Variants in GRB14 observed in about 807,000 individuals in gnomAD.
GRB14 encodes growth factor receptor-bound protein 14.
In GRB14, 38 loss-of-function variants were observed where a neutral mutation model predicts 69.1. The observed-to-expected ratio is 0.55, with a 90% CI of 0.42 to 0.72. GRB14 has a LOEUF of 0.72. GRB14 is among the 30% of genes least tolerant of loss of function. The pLI, the probability that GRB14 is intolerant of heterozygous loss-of-function variation, is 0.00. For synonymous variants in GRB14, 247 were observed against 241.3 expected (o/e 1.02, Z -0.22); for missense variants, 666 against 666.1 (o/e 1.00, Z 0.00).
chr2:164,579,664 G>A (rs1342428486), intron 2 of GRB14, among the ~76,000 whole-genome samples: 1 of 152,042 alleles, frequency 6.6e-6, no homozygotes, highest in Non-Finnish European at 1.5e-5. Context: ...ACTTCACACA[G>A]ACAGTGGCCT....
chr2:164,526,387 C>T lies in GRB14; in HGVS notation c.603+627G>A, dbSNP rs977318149. Among the ~76,000 whole-genome samples, 5 of 151,946 alleles carry T rather than the reference C, an allele frequency of 3.3e-5. No individual in the cohort carries two copies. In the East Asian group the frequency reaches 5.8e-4, roughly 18 times the overall value. ...CCCTAGTCTTCATTAGAATGTGACACACATTTATTTTCTTTTAAAGAGAAC... is the reference window on the plus strand; with the variant it reads ...CCCTAGTCTTCATTAGAATGTGACATACATTTATTTTCTTTTAAAGAGAAC... On this transcript the variant is annotated intron_variant, in intron 4 of 13. Transcript: ENST00000263915.
At chr2:164,549,571 T>A (rs953650984) in intron 2 of GRB14, among the ~76,000 whole-genome samples, 2 of 152,058 alleles carry the variant, frequency 1.3e-5, no homozygotes, top group Non-Finnish European at 2.9e-5. Context: ...GTATCTCTTA[T>A]CAATATTATA....
At chr2:164,493,740 T>C (rs1245665570) in intron 13 of GRB14, among the ~76,000 whole-genome samples, 1 of 152,206 alleles carries the variant, frequency 6.6e-6, no homozygotes, top group Admixed American at 6.5e-5. Context: ...GGATATTTTA[T>C]ATAGCCTTTG....
At chr2:164,556,211 A>T (rs1225026899) in intron 2 of GRB14, among the ~76,000 whole-genome samples, 1 of 152,192 alleles carries the variant, frequency 6.6e-6, no homozygotes, top group East Asian at 1.9e-4. Context: ...CTGCTCCAAA[A>T]GACCCTAACA....
At chr2:164,571,276 G>C (rs1028382410) in intron 2 of GRB14, among the ~76,000 whole-genome samples, 2 of 152,102 alleles carry the variant, frequency 1.3e-5, no homozygotes, top group African/African-American at 4.8e-5. Flanking sequence ...CAAAAATGAG[G>C]ATAAAAAACT....
intron 2 of GRB14, among the ~76,000 whole-genome samples, chr2:164,602,636 AG>A (rs1299277257): frequency 6.6e-6 from 1 of 152,228 alleles, no homozygotes; most frequent in African/African-American, 2.4e-5. Flanking sequence ...ATCCTACTCT[AG>A]GTGAGAGTGT....
intron 3 of GRB14, among the ~76,000 whole-genome samples, chr2:164,531,734 G>A (rs1301749116): frequency 6.6e-6 from 1 of 152,118 alleles, no homozygotes; most frequent in Non-Finnish European, 1.5e-5. Context: ...GGATGGTGTA[G>A]GTCCCAAGTG....
At chr2:164,559,052 T>C (rs1397780497) in intron 2 of GRB14, among the ~76,000 whole-genome samples, 2 of 152,206 alleles carry the variant, frequency 1.3e-5, no homozygotes, top group Non-Finnish European at 2.9e-5. Context: ...ATTGGAAGTA[T>C]ATAAAATAAT....
intron 3 of GRB14, among the ~76,000 whole-genome samples, chr2:164,540,157 T>TTG: frequency 6.6e-6 from 1 of 152,178 alleles, no homozygotes; most frequent in Middle Eastern, 3.2e-3. Context: ...CCTAGGCTGC[T>TTG]TCCTGAACAC....
At chr2:164,525,916 T>C (rs976917056) in intron 4 of GRB14, among the ~76,000 whole-genome samples, 3 of 151,998 alleles carry the variant, frequency 2.0e-5, no homozygotes, top group Admixed American at 2.0e-4. Flanking sequence ...TGTCCAGACA[T>C]TGTCCAATCA....
chr2:164,578,629 T>C (rs1226540112), intron 2 of GRB14, among the ~76,000 whole-genome samples: 3 of 151,988 alleles, frequency 2.0e-5, no homozygotes, highest in African/African-American at 7.3e-5. Flanking sequence ...ATAAGGCATC[T>C]TCATGAGTTG....
At chr2:164,592,924 T>C (rs1689701969) in intron 2 of GRB14, among the ~76,000 whole-genome samples, 1 of 152,210 alleles carries the variant, frequency 6.6e-6, no homozygotes, top group Non-Finnish European at 1.5e-5. Flanking sequence ...ATTCCCATCT[T>C]TGTCATTCCC....
chr2:164,496,399 C>CAT (rs1381264643), intron 12 of GRB14, among the ~76,000 whole-genome samples: 1 of 152,058 alleles, frequency 6.6e-6, no homozygotes, highest in Admixed American at 6.6e-5. Context: ...TTTCATAATA[C>CAT]ATTTTATATT....
chr2:164,509,235 G>T (rs1687274708), intron 6 of GRB14, among the ~76,000 whole-genome samples: 1 of 152,190 alleles, frequency 6.6e-6, no homozygotes, highest in Non-Finnish European at 1.5e-5. Context: ...ACAAAGGGGA[G>T]AAGGTTGGTT....
At chr2:164,493,863 C>CA (rs1686823795) in intron 13 of GRB14, among the ~76,000 whole-genome samples, 1 of 152,042 alleles carries the variant, frequency 6.6e-6, no homozygotes, top group African/African-American at 2.4e-5. Flanking sequence ...TTCCAATATA[C>CA]TATACACATC....
At chr2:164,496,277 T>G (rs1263328576) in intron 12 of GRB14, among the ~76,000 whole-genome samples, 1 of 152,192 alleles carries the variant, frequency 6.6e-6, no homozygotes, top group Non-Finnish European at 1.5e-5. Flanking sequence ...TAAACCACAA[T>G]ACAACCTCCC....
At chr2:164,515,247 C>G (rs1313159811) in intron 6 of GRB14, among the ~76,000 whole-genome samples, 1 of 152,170 alleles carries the variant, frequency 6.6e-6, no homozygotes. Context: ...GGGCTGCAGG[C>G]CAACCAACAC....
chr2:164,601,649 T>A (rs1689916665), intron 2 of GRB14, among the ~76,000 whole-genome samples: 2 of 152,152 alleles, frequency 1.3e-5, no homozygotes, highest in South Asian at 4.1e-4. Context: ...AAGGATTCCA[T>A]TTATTACATT....
chr2:164,554,905 G>A (rs1479157849), intron 2 of GRB14, among the ~76,000 whole-genome samples: 1 of 149,196 alleles, frequency 6.7e-6, no homozygotes, highest in Non-Finnish European at 1.5e-5. Flanking sequence ...TAAAGCACAA[G>A]AAGAAATGGT....
Sources: gnomAD v4.1 joint callset for allele counts (sites outside exome capture counted in the v4.1 genomes callset) on GRCh38, gnomAD v4.1.1 for gene constraint, MANE v1.5 for transcripts, NCBI Gene and HGNC (gene_info 2026-07-23, HGNC 2026-07-21) for gene names.